Variants in TMEM41B observed in about 807,000 individuals in gnomAD.
TMEM41B encodes transmembrane protein 41B.
A neutral mutation model predicts 31.9 loss-of-function variants in TMEM41B; 18 were observed. The observed-to-expected ratio is 0.56, with a 90% confidence interval of 0.39 to 0.84. The LOEUF is 0.84. Among genes scored for constraint, TMEM41B ranks in the 40% least tolerant of loss-of-function variants. TMEM41B has a pLI of 0.00. For synonymous variants in TMEM41B, 144 were observed against 124.3 expected (o/e 1.16, Z -1.05); for missense variants, 322 against 348.0 (o/e 0.93, Z 0.59).
intron 6 of TMEM41B, among the ~76,000 whole-genome samples, chr11:9,284,953 C>T (rs1852803255): frequency 6.6e-6 from 1 of 152,030 alleles, no homozygotes; most frequent in Admixed American, 6.6e-5. Flanking sequence ...CTGGCTTTCA[C>T]CTATAAAATG....
rs1325936641 is a variant in TMEM41B at position 9,281,549 on chromosome 11, G to C, written c.*1875C>G. 6.6e-6 allele frequency: 1 copy of C among 152,172 alleles called. No homozygotes were observed. Among genetic ancestry groups the C allele is most frequent in the African/African-American group, 2.4e-5 (1 of 41,458 alleles). 9.4% of individuals were successfully genotyped at this position (152,172 alleles called of 1,614,324 possible). On this transcript the variant is annotated 3_prime_UTR_variant, in exon 7 of 7. Transcript: ENST00000528080. Reference sequence around the variant, plus strand: ...CATACAAGGATTTCTCACAGCTAAAGTACTTTTCAACTTTGACAACTAATA... The same window carrying C: ...CATACAAGGATTTCTCACAGCTAAACTACTTTTCAACTTTGACAACTAATA...
At chr11:9,291,363 C>CA (rs1398288707) in intron 3 of TMEM41B, among the ~76,000 whole-genome samples, 5 of 151,762 alleles carry the variant, frequency 3.3e-5, no homozygotes, top group Middle Eastern at 3.4e-3. Flanking sequence ...GCCTGGGAAA[C>CA]AGAGTGAGAC....
chr11:9,313,574 G>A (rs569069807), intron 1 of TMEM41B, among the ~76,000 whole-genome samples: 1 of 152,156 alleles, frequency 6.6e-6, no homozygotes, highest in South Asian at 2.1e-4. Flanking sequence ...GGAATAAAGA[G>A]AAAACAAAAA....
At chr11:9,291,936 G>A (rs1852969748) in intron 3 of TMEM41B, among the ~76,000 whole-genome samples, 2 of 152,076 alleles carry the variant, frequency 1.3e-5, no homozygotes, top group South Asian at 4.1e-4. Flanking sequence ...TTGAACTCCA[G>A]ACCTCGTGAT....
chr11:9,285,052 A>ATTTTT (rs926958421), intron 6 of TMEM41B, among the ~76,000 whole-genome samples: 1 of 140,260 alleles, frequency 7.1e-6, no homozygotes, highest in Non-Finnish European at 1.6e-5. Flanking sequence ...AAGTTTGTCC[A>ATTTTT]TTTTTTTTTC....
chr11:9,295,245 A>C lies in TMEM41B; in HGVS notation c.368+14T>G, dbSNP rs770377628. On this transcript the variant is annotated intron_variant, in intron 3 of 6. Coordinates refer to ENST00000528080, the MANE Select transcript of TMEM41B (RefSeq NM_015012.4). ...GAACAAAATTAGAAAACATTTTTTCAGTTAAAAGGATACAAAATATATGTA... is the reference window on the plus strand; with the variant it reads ...GAACAAAATTAGAAAACATTTTTTCCGTTAAAAGGATACAAAATATATGTA... 9 of 1,504,822 alleles carry C rather than the reference A, an allele frequency of 6.0e-6. No homozygotes were observed. In the South Asian group the frequency reaches 1.0e-4, roughly 17 times the overall value. The allele number at this position is 1,504,822 out of a possible 1,614,324, so 93.2% of individuals were successfully genotyped here.
In TMEM41B at chr11:9,283,516, A is replaced by T. The variant is rs1316809017; in HGVS notation, c.784T>A (p.Ser262Thr). 2 of 1,613,550 alleles carry T rather than the reference A, an allele frequency of 1.2e-6. No homozygotes were observed. The highest frequency in any genetic ancestry group is 1.7e-6 in the Non-Finnish European group (2 of 1,179,816). Residue 262 changes from serine to threonine, a missense_variant, in exon 7 of 7, where the codon TCC (serine) becomes ACC (threonine). Transcript: ENST00000528080. Reference protein sequence around the residue: ...YQLTTAGEAVSWNSIFILMIL... With the variant: ...YQLTTAGEAVTWNSIFILMIL... ...ATCAGAATAAATATTGAGTTCCAGG[A>T]AACAGCTTCTCCTGCTGTTGTAAGT...
chr11:9,295,351 CAT>C lies in TMEM41B; in HGVS notation c.274_275del (p.Met92GlyfsTer2). ...ERVNMKVPRD[M>X]DDAKALGKVL... ...CTTTTCCTAGAGCCTTGGCATCATC[CAT>C]ATCTCTGGGAACCTTCATATTCACT... On this transcript the variant is annotated frameshift_variant, in exon 3 of 7. Transcript: ENST00000528080. LOFTEE classifies it high-confidence loss of function. 6.3e-7 allele frequency: 1 copy of C among 1,596,772 alleles called. No homozygotes were observed. The highest frequency in any genetic ancestry group is 8.5e-7 in the Non-Finnish European group (1 of 1,171,766).
At position 9,286,611 on chromosome 11, in the gene TMEM41B, A is replaced by G. The variant is rs1470792148; in HGVS notation, c.568-18T>C. On this transcript the variant is annotated intron_variant, in intron 5 of 6. Transcript: ENST00000528080. ...CGTTCAACCTGTCATAAGAAAGAAA[A>G]GAATTAGCATCAGATGAGGACAACT... 6.3e-7 allele frequency: 1 copy of G among 1,583,794 alleles called. No homozygotes were observed. Among genetic ancestry groups the G allele is most frequent in the Non-Finnish European group, 8.6e-7 (1 of 1,168,758 alleles).
rs373121205 is a variant in TMEM41B at position 9,307,617 on chromosome 11, T to C, written c.121+6704A>G. ...GCCACCACGTCCGGCTAATTTTGTA[T>C]TTTTAGTAAAGATGGGGTTTCTCCA... On this transcript the variant is annotated intron_variant, in intron 1 of 6. Coordinates refer to ENST00000528080, the MANE Select transcript of TMEM41B (RefSeq NM_015012.4). Among the ~76,000 whole-genome samples the C allele has an allele frequency of 5.3e-4, 80 of 151,802 alleles. 1 individual carries two copies. The South Asian group carries it at 0.016, about 31-fold the overall frequency.
At chr11:9,289,670 T>G (rs770156682) in intron 3 of TMEM41B, among the ~76,000 whole-genome samples, 4 of 152,214 alleles carry the variant, frequency 2.6e-5, no homozygotes, top group Non-Finnish European at 4.4e-5. Context: ...TCGTTCCCTG[T>G]GACCTGCTTT....
intron 6 of TMEM41B, 108 bp downstream of exon 6, chr11:9,286,347 G>T: frequency 8.7e-7 from 1 of 1,149,990 alleles, no homozygotes; most frequent in Non-Finnish European, 1.2e-6. Context: ...AAGAATTCTA[G>T]ATGGTGCTGG....
At chr11:9,289,320 AT>A (rs11333738) in intron 3 of TMEM41B, among the ~76,000 whole-genome samples, 138,088 of 147,620 alleles carry the variant, frequency 0.94, 65,006 homozygotes, top group South Asian at 1. Context: ...TTTAAAATAG[AT>A]TTTTTTTTTT....
Position 9,314,584 on chromosome 11 carries a change from C to G in TMEM41B, c.-143G>C. 8.3e-7 allele frequency: 1 copy of G among 1,200,964 alleles called. No homozygotes were observed. The highest frequency in any genetic ancestry group is 1.1e-6 in the Non-Finnish European group (1 of 887,066). 74.4% of individuals were successfully genotyped at this position (1,200,964 alleles called of 1,614,324 possible). A position where few individuals can be genotyped will look rare whatever the true frequency, so the allele number is the denominator to read the frequency against. On this transcript the variant is annotated 5_prime_UTR_variant, in exon 1 of 7. Transcript: ENST00000528080. ...CTCACCCGAGACGACCTCAGCCCAG[C>G]GAGTACTGCAACCTCCTGCAAACAC...
chr11:9,287,071 T>G (rs890764943), intron 5 of TMEM41B, among the ~76,000 whole-genome samples: 2 of 151,878 alleles, frequency 1.3e-5, no homozygotes, highest in Admixed American at 1.3e-4. Context: ...TTTGGGAGGT[T>G]GAGGCAGGTG....
intron 5 of TMEM41B, 130 bp downstream of exon 5, chr11:9,287,572 T>C: frequency 1.7e-6 from 1 of 576,230 alleles, no homozygotes; most frequent in Middle Eastern, 4.5e-4. Context: ...AAGATAATTC[T>C]TATTACTTGA....
At chr11:9,312,664 GGGAGGCCGAGGCGGGC>G (rs955196220) in intron 1 of TMEM41B, among the ~76,000 whole-genome samples, 3 of 152,158 alleles carry the variant, frequency 2.0e-5, no homozygotes, top group Middle Eastern at 3.2e-3. Flanking sequence ...CCAGCACTTT[GGGAGGCCGAGGCGGGC>G]GGATCAACAG....
chr11:9,299,491 G>C, intron 2 of TMEM41B, 93 bp downstream of exon 2: 1 of 851,384 alleles, frequency 1.2e-6, no homozygotes, highest in Non-Finnish European at 1.9e-6. Context: ...CCAAAGTGTT[G>C]AGATTACAGG....
chr11:9,313,302 G>A (rs1360542482), intron 1 of TMEM41B, among the ~76,000 whole-genome samples: 3 of 152,078 alleles, frequency 2.0e-5, no homozygotes, highest in Non-Finnish European at 4.4e-5. Flanking sequence ...TTAGACTGTT[G>A]GAGACATTTT....
Sources: allele counts gnomAD v4.1 joint callset (sites outside exome capture counted in the v4.1 genomes callset), GRCh38; gene constraint gnomAD v4.1.1; transcripts MANE v1.5; gene names NCBI Gene and HGNC (gene_info 2026-07-23, HGNC 2026-07-21).